Variants in GPX8 observed in about 807,000 individuals in gnomAD.
GPX8 encodes the protein glutathione peroxidase 8 (putative).
In GPX8, 12 loss-of-function variants were observed where a neutral mutation model predicts 17.8. That is an observed-to-expected ratio of 0.67 (90% CI 0.43 to 1.09). GPX8 has a LOEUF of 1.09. Among genes scored for constraint, GPX8 ranks in the 50% least tolerant of loss-of-function variants. The pLI is 0.00. For missense variants in GPX8, 209 were observed against 235.6 expected, an observed-to-expected ratio of 0.89 and a Z score of 0.74; for synonymous variants, 86 against 88.1, an observed-to-expected ratio of 0.98 and a Z score of 0.14.
At chr5:55,162,000 G>A (rs1411918139) in intron 2 of GPX8, among the ~76,000 whole-genome samples, 3 of 144,732 alleles carry the variant, frequency 2.1e-5, no homozygotes, top group African/African-American at 5.1e-5. Context: ...GCCTTCTTAA[G>A]ATTGTTTGGA....
chr5:55,167,050 GAGAGAAAAAGAAAA>G lies in GPX8; in HGVS notation c.*2836_*2849del, dbSNP rs1319618384. On this transcript the variant is annotated 3_prime_UTR_variant, in exon 3 of 3. Transcript: ENST00000503787. ...ATCTTAAAGACCCTGTCTCAAAAAAGAGAGAAAAAGAAAAAGAAAAATATCAGGCATCACATGAA... is the reference window on the plus strand; with the variant it reads ...ATCTTAAAGACCCTGTCTCAAAAAAGAGAAAAATATCAGGCATCACATGAA... The G allele has an allele frequency of 6.6e-6, 1 of 151,924 alleles. No individual in the cohort carries two copies. The highest frequency in any genetic ancestry group is 6.6e-5 in the Admixed American group (1 of 15,236). 9.4% of individuals were successfully genotyped at this position (151,924 alleles called of 1,614,324 possible).
chr5:55,161,733 C>T lies in GPX8; in HGVS notation c.466+478C>T, dbSNP rs377546107. On this transcript the variant is annotated intron_variant, in intron 2 of 2. Coordinates refer to ENST00000503787, the MANE Select transcript of GPX8 (RefSeq NM_001008397.4). ...AATATGTCAGCTTACCAGATTTTTG[C>T]TAAAATCCAAAAACATATAACTTGG... Among the ~76,000 whole-genome samples, 18 of 152,282 alleles carry T rather than the reference C, an allele frequency of 1.2e-4. No homozygotes were observed. In the East Asian group the frequency reaches 2.9e-3, roughly 24 times the overall value.
rs1743967334 is a variant in GPX8, at chr5:55,160,255, T to C, written c.63T>C (p.Val21=). 1.9e-6 allele frequency: 3 copies of C among 1,613,988 alleles called. No homozygotes were observed. The highest frequency in any genetic ancestry group is 2.5e-6 in the Non-Finnish European group (3 of 1,179,948). ...GGCCCAGAGCAAAGGTATTTGCAGT[T>C]TTGCTGTCTATAGTTCTATGCACAG... ...CSGPRAKVFA[V]LLSIVLCTVT... The change falls in exon 1 of 3, where the codon GTT becomes GTC. Residue 21 remains valine (V), a synonymous_variant. Coordinates refer to ENST00000503787, the MANE Select transcript of GPX8 (RefSeq NM_001008397.4).
rs966827214 is a variant in GPX8, at chr5:55,165,251, A to C, written c.*1033A>C. 2.0e-5 allele frequency: 3 copies of C among 151,922 alleles called. No homozygotes were observed. Among genetic ancestry groups the C allele is most frequent in the Non-Finnish European group, 2.9e-5 (2 of 67,972 alleles). 9.4% of individuals were successfully genotyped at this position (151,922 alleles called of 1,614,324 possible). On this transcript the variant is annotated 3_prime_UTR_variant, in exon 3 of 3. Transcript: ENST00000503787. ...AGCAGTCACTGAACCTCTTAGAGTC[A>C]CAAGGCATTTCTTCTCCCAAAGTCA...
Position 55,161,165 on chromosome 5 carries a change from G to T in GPX8, c.376G>T (p.Ala126Ser). The change falls in exon 2 of 3, where the codon GCA (alanine) becomes TCA (serine). Residue 126 changes from alanine to serine, a missense_variant. Transcript: ENST00000503787. ...PRPSKEVESF[A>S]RKNYGVTFPI... Reference sequence around the variant, plus strand: ...CCCAAGCAAGGAAGTAGAATCTTTTGCAAGAAAAAACTACGGAGTAACTTT... The same window carrying T: ...CCCAAGCAAGGAAGTAGAATCTTTTTCAAGAAAAAACTACGGAGTAACTTT... The T allele has an allele frequency of 6.2e-7, 1 of 1,614,192 alleles. No homozygotes were observed. Among genetic ancestry groups the T allele is most frequent in the Non-Finnish European group, 8.5e-7 (1 of 1,180,018 alleles).
At chr5:55,162,663 T>C (rs993939120) in intron 2 of GPX8, among the ~76,000 whole-genome samples, 1 of 152,258 alleles carries the variant, frequency 6.6e-6, no homozygotes, top group Non-Finnish European at 1.5e-5. Flanking sequence ...CAGTGAGGTC[T>C]TTATTCCTCT....
Position 55,160,245 on chromosome 5 carries a change from T to G in GPX8, c.53T>G (p.Val18Gly). Residue 18 changes from valine to glycine, a missense_variant, in exon 1 of 3, where the codon GTA becomes GGA. Transcript: ENST00000503787. The part of the protein sequence containing the change: ...PLKCSGPRAK[V>G]FAVLLSIVLC... ...AAATGTTCCGGGCCCAGAGCAAAGGTATTTGCAGTTTTGCTGTCTATAGTT... is the reference window on the plus strand; with the variant it reads ...AAATGTTCCGGGCCCAGAGCAAAGGGATTTGCAGTTTTGCTGTCTATAGTT... The G allele has an allele frequency of 6.2e-7, 1 of 1,614,074 alleles. No individual in the cohort carries two copies. The highest frequency in any genetic ancestry group is 1.3e-5 in the African/African-American group (1 of 75,044).
At chr5:55,160,735 G>T in intron 1 of GPX8, 1 of 468,900 alleles carries the variant, frequency 2.1e-6, no homozygotes, top group Non-Finnish European at 3.7e-6. Context: ...AACTTATCAA[G>T]GATCATAGTT....
In GPX8 at chr5:55,160,262, T is replaced by C. The variant is rs1196680746; in HGVS notation, c.70T>C (p.Ser24Pro). The part of the protein sequence containing the change: ...PRAKVFAVLL[S>P]IVLCTVTLFL... ...AGCAAAGGTATTTGCAGTTTTGCTG[T>C]CTATAGTTCTATGCACAGTAACGCT... Residue 24 changes from serine (S) to proline (P), a missense_variant, in exon 1 of 3, where the codon TCT becomes CCT. Coordinates refer to ENST00000503787, the MANE Select transcript of GPX8 (RefSeq NM_001008397.4). The C allele has an allele frequency of 1.2e-6, 2 of 1,614,062 alleles. No homozygotes were observed. Among genetic ancestry groups the C allele is most frequent in the South Asian group, 1.1e-5 (1 of 91,086 alleles).
In GPX8 at chr5:55,164,276, T is replaced by C; in HGVS notation, c.*58T>C. ...ATGTCTCCATGAGGGTTTGGTCTCA[T>C]TTTAAACATTTTTTTTTTGGAGACA... On this transcript the variant is annotated 3_prime_UTR_variant, in exon 3 of 3. Coordinates refer to ENST00000503787, the MANE Select transcript of GPX8 (RefSeq NM_001008397.4). The C allele has an allele frequency of 7.5e-7, 1 of 1,326,770 alleles. No individual in the cohort carries two copies. Among genetic ancestry groups the C allele is most frequent in the South Asian group, 2.1e-5 (1 of 48,124 alleles). 82.2% of individuals were successfully genotyped at this position (1,326,770 alleles called of 1,614,324 possible).
chr5:55,162,889 C>T (rs1744158046), intron 2 of GPX8, among the ~76,000 whole-genome samples: 1 of 152,086 alleles, frequency 6.6e-6, no homozygotes, highest in Admixed American at 6.5e-5. Flanking sequence ...TCATAGAGCC[C>T]AAAGGTTAAG....
At position 55,165,133 on chromosome 5, in the gene GPX8, C is replaced by T. The variant is rs1046604522; in HGVS notation, c.*915C>T. The T allele has an allele frequency of 6.6e-6, 1 of 152,188 alleles. No individual in the cohort carries two copies. Among genetic ancestry groups the T allele is most frequent in the African/African-American group, 2.4e-5 (1 of 41,422 alleles). The allele number at this position is 152,188 out of a possible 1,614,324, so 9.4% of individuals were successfully genotyped here. A position where few individuals can be genotyped will look rare whatever the true frequency, so the allele number is the denominator to read the frequency against. On this transcript the variant is annotated 3_prime_UTR_variant, in exon 3 of 3. Transcript: ENST00000503787. ...ACTTGGGAGGAATTCAATGCTGCAT[C>T]ATTCTGATAGCTGAAATAGTAAAAG...
intron 2 of GPX8, 143 bp downstream of exon 2, chr5:55,161,398 C>G (rs1196764631): frequency 1.3e-6 from 1 of 783,394 alleles, no homozygotes; most frequent in Non-Finnish European, 2.0e-6. Flanking sequence ...GAATCTCATC[C>G]TTTGTAACTT....
Position 55,164,227 on chromosome 5 carries a change from T to C in GPX8, c.*9T>C. The C allele has an allele frequency of 6.6e-7, 1 of 1,519,760 alleles. No individual in the cohort carries two copies. Among genetic ancestry groups the C allele is most frequent in the South Asian group, 1.3e-5 (1 of 77,074 alleles). The allele number at this position is 1,519,760 out of a possible 1,614,324, so 94.1% of individuals were successfully genotyped here. On this transcript the variant is annotated 3_prime_UTR_variant, in exon 3 of 3. Coordinates refer to ENST00000503787, the MANE Select transcript of GPX8 (RefSeq NM_001008397.4). ...AGAAAGAGGATCTATGAGAATGCCA[T>C]TGCGTTTCTAATAGAACAGAGAAAT...
rs1055128692 is a variant in GPX8 at position 55,167,034 on chromosome 5, ACC to A, written c.*2818_*2819del. ...AACAGAGCGAGACCCCATCTTAAAG[ACC>A]CTGTCTCAAAAAAGAGAGAAAAAGA... is the stretch of plus-strand genomic sequence containing the variant. On this transcript the variant is annotated 3_prime_UTR_variant, in exon 3 of 3. Transcript: ENST00000503787. 1.9e-4 allele frequency: 29 copies of A among 152,110 alleles called. No individual in the cohort carries two copies. Among genetic ancestry groups the A allele is most frequent in the African/African-American group, 7.0e-4 (29 of 41,414 alleles). The allele number at this position is 152,110 out of a possible 1,614,324, so 9.4% of individuals were successfully genotyped here.
rs1331774026 is a variant in GPX8, at chr5:55,164,179, G to C, written c.591G>C (p.Leu197=). The C allele has an allele frequency of 1.3e-6, 2 of 1,573,568 alleles. No individual in the cohort carries two copies. Among genetic ancestry groups the C allele is most frequent in the African/African-American group, 1.4e-5 (1 of 73,854 alleles). ...IEVIRPDIAA[L]VRQVIIKKKE... is the part of the protein sequence containing the mutation. ...TCATCAGGCCTGACATAGCAGCTCT[G>C]GTTAGACAAGTGATCATAAAAAAGA... is the stretch of plus-strand genomic sequence containing the variant. Residue 197 remains leucine, a synonymous_variant, in exon 3 of 3, where the codon CTG becomes CTC. Coordinates refer to ENST00000503787, the MANE Select transcript of GPX8 (RefSeq NM_001008397.4).
In GPX8 at chr5:55,165,554, A is replaced by G. The variant is rs1196922751; in HGVS notation, c.*1336A>G. On this transcript the variant is annotated 3_prime_UTR_variant, in exon 3 of 3. Coordinates refer to ENST00000503787, the MANE Select transcript of GPX8 (RefSeq NM_001008397.4). ...ATGCTACCTCAGTATATAGTTCTGT[A>G]TACGTATTTGGACCAAAGTTATTAG... 6.6e-6 allele frequency: 1 copy of G among 152,256 alleles called. No individual in the cohort carries two copies. The highest frequency in any genetic ancestry group is 1.5e-5 in the Non-Finnish European group (1 of 68,050). 9.4% of individuals were successfully genotyped at this position (152,256 alleles called of 1,614,324 possible). A position where few individuals can be genotyped will look rare whatever the true frequency, so the allele number is the denominator to read the frequency against.
Position 55,164,048 on chromosome 5 carries a change from AT to A in GPX8, c.467-3del. On this transcript the variant is annotated splice_polypyrimidine_tract_variant and splice_region_variant and intron_variant, in intron 2 of 2. Transcript: ENST00000503787. The stretch of plus-strand genomic sequence containing the variant: ...ATGCTCATGAAAATATGTTCTGGAT[AT>A]TTTAGATTCTTCAAAGAAGGAACCA... 2 of 1,558,752 alleles carry A rather than the reference AT, an allele frequency of 1.3e-6. No individual in the cohort carries two copies. The highest frequency in any genetic ancestry group is 2.3e-5 in the East Asian group (1 of 44,234).
chr5:55,160,379 G>C lies in GPX8; in HGVS notation c.187G>C (p.Glu63Gln). Residue 63 changes from glutamate (E) to glutamine (Q), a missense_variant, in exon 1 of 3, where the codon GAA becomes CAA. Transcript: ENST00000503787. ...TGCAAAAGGAAGAACTGTTTCTCTG[G>C]AAAAGTATAAAGGCAAAGTAAGTTG... ...KDAKGRTVSL[E>Q]KYKGKVSLVV... is the part of the protein sequence containing the mutation. 6.2e-7 allele frequency: 1 copy of C among 1,612,338 alleles called. No individual in the cohort carries two copies. The highest frequency in any genetic ancestry group is 8.5e-7 in the Non-Finnish European group (1 of 1,179,646).
Sources: gnomAD v4.1 joint callset for allele counts (sites outside exome capture counted in the v4.1 genomes callset) on GRCh38, gnomAD v4.1.1 for gene constraint, MANE v1.5 for transcripts, NCBI Gene and HGNC (gene_info 2026-07-23, HGNC 2026-07-21) for gene names.